BBX: variants seen among roughly 807,000 people sequenced by gnomAD.
The protein encoded by BBX is BBX high mobility group box domain containing.
In BBX, 30 loss-of-function variants were observed where a neutral mutation model predicts 100.2. The ratio of observed to expected loss-of-function variants is 0.30; its 90% CI spans 0.22 to 0.41. The LOEUF (loss-of-function observed/expected upper bound fraction) is 0.41. BBX is among the 10% of genes least tolerant of loss of function. The pLI is 1.00. For missense variants in BBX, 1,023 were observed against 1,129.8 expected (o/e 0.91, Z 1.35); for synonymous variants, 376 against 388.1 (o/e 0.97, Z 0.37).
At chr3:107,705,965 T>C (rs934291055) in intron 3 of BBX, among the ~76,000 whole-genome samples, 1 of 152,048 alleles carries the variant, frequency 6.6e-6, no homozygotes, top group Non-Finnish European at 1.5e-5. Context: ...ATCTTTCTTC[T>C]TTAAGTTTCT....
At chr3:107,762,263 A>C (rs893681360) in intron 10 of BBX, among the ~76,000 whole-genome samples, 8 of 152,224 alleles carry the variant, frequency 5.3e-5, no homozygotes, top group Non-Finnish European at 8.8e-5. Flanking sequence ...CAGAGTCTTC[A>C]GAAACAGTAC....
In BBX at chr3:107,798,583, C is replaced by G; in HGVS notation, c.2414C>G (p.Ser805Cys). The G allele has an allele frequency of 1.2e-6, 2 of 1,614,048 alleles. No homozygotes were observed. Among genetic ancestry groups the G allele is most frequent in the Non-Finnish European group, 1.7e-6 (2 of 1,179,946 alleles). ...GTTCATAAGGTTAAAAATATCCCATCCATTTTCAACACTCCAGAGCCAACA... is the reference window on the plus strand; with the variant it reads ...GTTCATAAGGTTAAAAATATCCCATGCATTTTCAACACTCCAGAGCCAACA... The part of the protein sequence containing the change: ...EPVHKVKNIP[S>C]IFNTPEPTTT... The change falls in exon 16 of 18, where the codon TCC (serine) becomes TGC (cysteine). Residue 805 changes from serine to cysteine, a missense_variant. By Grantham distance (112) the Ser-to-Cys change is moderately radical. This residue lies in a region of BBX where 215 missense variants were observed against 211.3 expected (regional missense o/e 1.02). Coordinates refer to ENST00000325805, the MANE Select transcript of BBX (RefSeq NM_001142568.3).
At position 107,612,629 on chromosome 3, in the gene BBX, G is replaced by A. The variant is rs2054923654; in HGVS notation, c.-83-33207G>A. On this transcript the variant is annotated intron_variant, in intron 2 of 17. Transcript: ENST00000325805. ...CTTTGTCTATGCTGAGCTGTCTAGAGCTGGGGGATGGCTGACACAAGCACC... is the reference window on the plus strand; with the variant it reads ...CTTTGTCTATGCTGAGCTGTCTAGAACTGGGGGATGGCTGACACAAGCACC... Among the ~76,000 whole-genome samples the A allele has an allele frequency of 3.9e-5, 6 of 152,332 alleles. No homozygotes were observed. The South Asian group carries it at 1.2e-3, about 32-fold the overall frequency.
At position 107,801,292 on chromosome 3, in the gene BBX, G is replaced by A. The variant is rs1264425886; in HGVS notation, c.2738+11G>A. The A allele has an allele frequency of 6.2e-7, 1 of 1,609,144 alleles. No homozygotes were observed. The highest frequency in any genetic ancestry group is 2.2e-5 in the East Asian group (1 of 44,818). ...GGAAAATGTGCACAGGTTAGTGGTAGAAGGTGGAAGGAGAAAGCAACATGG... is the reference window on the plus strand; with the variant it reads ...GGAAAATGTGCACAGGTTAGTGGTAAAAGGTGGAAGGAGAAAGCAACATGG... On this transcript the variant is annotated intron_variant, in intron 17 of 17. Transcript: ENST00000325805.
intron 13 of BBX, among the ~76,000 whole-genome samples, chr3:107,785,774 C>T (rs2068355723): frequency 6.6e-6 from 1 of 151,986 alleles, no homozygotes; most frequent in African/African-American, 2.4e-5. Context: ...AGGGGCAATA[C>T]AAGAATATCC....
chr3:107,635,346 T>C (rs1433603364), intron 2 of BBX, among the ~76,000 whole-genome samples: 5 of 152,206 alleles, frequency 3.3e-5, no homozygotes, highest in Non-Finnish European at 7.3e-5. Flanking sequence ...TAAGAAAACA[T>C]ATCAAGCCAT....
At chr3:107,568,610 C>T (rs2051114249) in intron 2 of BBX, among the ~76,000 whole-genome samples, 1 of 152,094 alleles carries the variant, frequency 6.6e-6, no homozygotes, top group Non-Finnish European at 1.5e-5. Flanking sequence ...CTATTCTCAC[C>T]TCTTGGAATT....
intron 3 of BBX, among the ~76,000 whole-genome samples, chr3:107,661,460 G>A (rs751508485): frequency 6.6e-6 from 1 of 152,084 alleles, no homozygotes; most frequent in African/African-American, 2.4e-5. Context: ...GTTGTTTGGA[G>A]GATTGTGTGT....
intron 15 of BBX, among the ~76,000 whole-genome samples, chr3:107,791,834 G>A: frequency 6.6e-6 from 1 of 152,236 alleles, no homozygotes; most frequent in East Asian, 1.9e-4. Flanking sequence ...AACCCCGTCT[G>A]TACTAAAAAT....
At chr3:107,612,692 C>T (rs536977164) in intron 2 of BBX, among the ~76,000 whole-genome samples, 1 of 152,302 alleles carries the variant, frequency 6.6e-6, no homozygotes, top group South Asian at 2.1e-4. Context: ...CTAGGTCAGA[C>T]CTGAAGCCAG....
chr3:107,762,996 T>C (rs78289128), intron 10 of BBX, among the ~76,000 whole-genome samples: 6,579 of 152,300 alleles, frequency 0.043, 461 homozygotes, highest in African/African-American at 0.15. Flanking sequence ...TTTCAAATAG[T>C]GTATAACATT....
rs180885288 is a variant in BBX at position 107,711,429 on chromosome 3, C to T, written c.162+807C>T. ...AATGAGTACATATTTTGTGTCACTA[C>T]GAATTTTATAAACATGTTTTTAATA... is the stretch of plus-strand genomic sequence containing the variant. On this transcript the variant is annotated intron_variant, in intron 4 of 17. Transcript: ENST00000325805. 63 of 415,944 alleles carry T rather than the reference C, an allele frequency of 1.5e-4. 1 individual carries two copies. The highest frequency in any genetic ancestry group is 7.3e-4 in the South Asian group (42 of 57,516). The allele number at this position is 415,944 out of a possible 1,614,324, so 25.8% of individuals were successfully genotyped here. A position where few individuals can be genotyped will look rare whatever the true frequency, so the allele number is the denominator to read the frequency against.
At position 107,808,405 on chromosome 3, in the gene BBX, A is replaced by C. The variant is rs2071164241; in HGVS notation, c.*2948A>C. ...ATTTCTGGATTCAAGCCTGTATATA[A>C]ATCTTTTGAAAAAAAATTGTCCTAG... On this transcript the variant is annotated 3_prime_UTR_variant, in exon 18 of 18. Coordinates refer to ENST00000325805, the MANE Select transcript of BBX (RefSeq NM_001142568.3). 2 of 152,124 alleles carry C rather than the reference A, an allele frequency of 1.3e-5. No individual in the cohort carries two copies. Among genetic ancestry groups the C allele is most frequent in the African/African-American group, 4.8e-5 (2 of 41,436 alleles). 9.4% of individuals were successfully genotyped at this position (152,124 alleles called of 1,614,324 possible).
chr3:107,560,398 A>C (rs1476152681), intron 2 of BBX, among the ~76,000 whole-genome samples: 4 of 152,356 alleles, frequency 2.6e-5, no homozygotes, highest in Middle Eastern at 3.4e-3. Context: ...TAAAAGAAAC[A>C]GTGAAAATGT....
chr3:107,783,449 A>C (rs1347214650), intron 13 of BBX, among the ~76,000 whole-genome samples: 1 of 151,994 alleles, frequency 6.6e-6, no homozygotes, highest in African/African-American at 2.4e-5. Flanking sequence ...GATTTCTCTG[A>C]TTATGATTGG....
At chr3:107,665,891 T>G (rs2058716124) in intron 3 of BBX, among the ~76,000 whole-genome samples, 1 of 152,224 alleles carries the variant, frequency 6.6e-6, no homozygotes, top group African/African-American at 2.4e-5. Flanking sequence ...TATCTGGTGC[T>G]GAAGGCAAGT....
At chr3:107,709,226 C>A (rs1206382052) in intron 3 of BBX, among the ~76,000 whole-genome samples, 1 of 152,038 alleles carries the variant, frequency 6.6e-6, no homozygotes, top group African/African-American at 2.4e-5. Context: ...TGAAGTTGTA[C>A]AAGTTCTAGG....
At chr3:107,576,735 C>G (rs1417868801) in intron 2 of BBX, among the ~76,000 whole-genome samples, 1 of 151,890 alleles carries the variant, frequency 6.6e-6, no homozygotes, top group Non-Finnish European at 1.5e-5. Context: ...GTTATTTTTA[C>G]TTTGTGATTT....
chr3:107,540,129 G>A (rs903643120), intron 2 of BBX, among the ~76,000 whole-genome samples: 1 of 152,194 alleles, frequency 6.6e-6, no homozygotes, highest in South Asian at 2.1e-4. Context: ...CAGTGTTTAT[G>A]TAGTTCAGCA....
Sources: gnomAD v4.1 joint callset for allele counts (sites outside exome capture counted in the v4.1 genomes callset) on GRCh38, gnomAD v4.1.1 for gene constraint, gnomAD v4.1.1 regional missense constraint, MANE v1.5 for transcripts, NCBI Gene and HGNC (gene_info 2026-07-23, HGNC 2026-07-21) for gene names.